The following SLC45A3 variants were observed in gnomAD, a reference collection of about 807,000 sequenced individuals.
The protein encoded by SLC45A3 is solute carrier family 45 member 3.
Under a neutral mutation model 35.3 loss-of-function variants are expected in SLC45A3, and 17 were observed. That is an observed-to-expected ratio of 0.48 (90% CI 0.33 to 0.72). The LOEUF is 0.72. SLC45A3 is among the 30% of genes least tolerant of loss of function. The pLI is 0.02. For missense variants in SLC45A3, 597 were observed against 731.7 expected, an observed-to-expected ratio of 0.82 and a Z score of 2.12; for synonymous variants, 288 against 334.3, an observed-to-expected ratio of 0.86 and a Z score of 1.51.
chr1:205,662,724 A>G lies in SLC45A3; in HGVS notation c.958+109T>C. 6.7e-7 allele frequency: 1 copy of G among 1,483,142 alleles called. No homozygotes were observed. The highest frequency in any genetic ancestry group is 8.9e-7 in the Non-Finnish European group (1 of 1,122,592). 91.9% of individuals were successfully genotyped at this position (1,483,142 alleles called of 1,614,324 possible). The stretch of plus-strand genomic sequence containing the variant: ...GATGGGGTCCATCCCCACTTTCCTG[A>G]CAGAGAAGTCGGGGCCAGGATGGAG... On this transcript the variant is annotated intron_variant, in intron 3 of 4. Coordinates refer to ENST00000367145, the MANE Select transcript of SLC45A3 (RefSeq NM_033102.3). The surrounding 1 kb of genome is among the most constrained non-coding windows in gnomAD (Gnocchi z 6.2).
rs1670951913 is a variant in SLC45A3, at chr1:205,657,869, T to C, written c.*1365A>G. The C allele has an allele frequency of 5.1e-6, 1 of 197,220 alleles. No individual in the cohort carries two copies. The highest frequency in any genetic ancestry group is 1.1e-5 in the Non-Finnish European group (1 of 94,850). 12.2% of individuals were successfully genotyped at this position (197,220 alleles called of 1,614,324 possible). A position where few individuals can be genotyped will look rare whatever the true frequency, so the allele number is the denominator to read the frequency against. ...ATGCCAATAAACATATAAGAAAGCC[T>C]TTAATTTTGTCACCATAAACATTAT... On this transcript the variant is annotated 3_prime_UTR_variant, in exon 5 of 5. Transcript: ENST00000367145.
At chr1:205,661,431 C>A (rs1671020646) in intron 4 of SLC45A3, among the ~76,000 whole-genome samples, 1 of 152,142 alleles carries the variant, frequency 6.6e-6, no homozygotes, top group African/African-American at 2.4e-5. Context: ...AGGATACAGG[C>A]TAAGTCAGGT....
intron 1 of SLC45A3, among the ~76,000 whole-genome samples, chr1:205,665,561 T>C (rs1420912568): frequency 6.6e-6 from 1 of 152,168 alleles, no homozygotes; most frequent in African/African-American, 2.4e-5. Flanking sequence ...CCAACTGTCA[T>C]GGGAGAGTGG....
chr1:205,663,866 G>T (rs1040628579), intron 2 of SLC45A3, among the ~76,000 whole-genome samples: 5 of 152,198 alleles, frequency 3.3e-5, no homozygotes, highest in Admixed American at 2.0e-4. Context: ...CCTAGGGAGG[G>T]TAAGAGGCAG....
Position 205,663,593 on chromosome 1 carries a change from G to T in SLC45A3, c.198C>A (p.Val66=). Residue 66 remains valine, a synonymous_variant, in exon 3 of 5, where the codon GTC becomes GTA. Transcript: ENST00000367145. The stretch of plus-strand genomic sequence containing the variant: ...TGGCTGAGCCTAGGAGCGGGACACA[G>T]ACCAGGCCCAGCACTGGACCAATGC... ...VLGIGPVLGL[V]CVPLLGSASD... 1 of 1,604,502 alleles carries T rather than the reference G, an allele frequency of 6.2e-7. No homozygotes were observed. Among genetic ancestry groups the T allele is most frequent in the South Asian group, 1.1e-5 (1 of 90,190 alleles).
rs1370985548 is a variant in SLC45A3, at chr1:205,657,979, CCT to C, written c.*1253_*1254del. The C allele has an allele frequency of 1.0e-4, 23 of 225,874 alleles. No homozygotes were observed. The East Asian group carries it at 1.3e-3, about 13-fold the overall frequency. The allele number at this position is 225,874 out of a possible 1,614,324, so 14.0% of individuals were successfully genotyped here. A position where few individuals can be genotyped will look rare whatever the true frequency, so the allele number is the denominator to read the frequency against. On this transcript the variant is annotated 3_prime_UTR_variant, in exon 5 of 5. Transcript: ENST00000367145. ...TATTGCAAACGGCACTTAAACCCCCCCTGAGAGATAAGACCTCCCTTAGCTCA... is the reference window on the plus strand; with the variant it reads ...TATTGCAAACGGCACTTAAACCCCCCGAGAGATAAGACCTCCCTTAGCTCA...
chr1:205,675,540 C>T (rs1433201301), intron 1 of SLC45A3, among the ~76,000 whole-genome samples: 1 of 152,144 alleles, frequency 6.6e-6, no homozygotes, highest in African/African-American at 2.4e-5. Context: ...CACTCCCACC[C>T]CTCCTTTTGG....
rs1671118267 is a variant in SLC45A3, at chr1:205,666,415, G to T, written c.-230-1529C>A. ...CCCAGCTACTTAAGAGGCTGAGATGGGAGGATTGCTTGAGCCTGGGAGGTC... is the reference window on the plus strand; with the variant it reads ...CCCAGCTACTTAAGAGGCTGAGATGTGAGGATTGCTTGAGCCTGGGAGGTC... On this transcript the variant is annotated intron_variant, in intron 1 of 4. Coordinates refer to ENST00000367145, the MANE Select transcript of SLC45A3 (RefSeq NM_033102.3). The surrounding 1 kb of genome is among the most constrained non-coding windows in gnomAD (Gnocchi z 4.1). Among the ~76,000 whole-genome samples, 1 of 152,202 alleles carries T rather than the reference G, an allele frequency of 6.6e-6. No homozygotes were observed. The highest frequency in any genetic ancestry group is 2.4e-5 in the African/African-American group (1 of 41,450).
At chr1:205,674,926 G>A (rs1054844135) in intron 1 of SLC45A3, among the ~76,000 whole-genome samples, 6 of 152,126 alleles carry the variant, frequency 3.9e-5, no homozygotes, top group Non-Finnish European at 8.8e-5. Context: ...GTGTTGGCCA[G>A]GCTGGTCTCG....
In SLC45A3 at chr1:205,666,042, C is replaced by A. The variant is rs1671113398; in HGVS notation, c.-230-1156G>T. 2.0e-5 allele frequency among the ~76,000 whole-genome samples: 3 copies of A among 152,106 alleles called. No homozygotes were observed. Among genetic ancestry groups the A allele is most frequent in the Non-Finnish European group, 4.4e-5 (3 of 68,018 alleles). ...GCTAAAAATACAAAAATTAGCCAGG[C>A]ATGGTGGCAGGTGCCTCCACCACCC... On this transcript the variant is annotated intron_variant, in intron 1 of 4. Coordinates refer to ENST00000367145, the MANE Select transcript of SLC45A3 (RefSeq NM_033102.3). This position sits in a 1 kb window ranked among gnomAD's most constrained non-coding sequence, Gnocchi z 4.1.
rs935439425 is a variant in SLC45A3, at chr1:205,664,619, T to C, written c.38A>G (p.His13Arg). 3.1e-6 allele frequency: 5 copies of C among 1,614,236 alleles called. No individual in the cohort carries two copies. Among genetic ancestry groups the C allele is most frequent in the Admixed American group, 1.7e-5 (1 of 60,032 alleles). Residue 13 changes from histidine (H) to arginine (R), a missense_variant, in exon 2 of 5, where the codon CAC (histidine) becomes CGC (arginine). By Grantham distance (29) the His-to-Arg change is conservative (BLOSUM62 0). Around this residue, in one of 3 missense-constraint regions of SLC45A3, gnomAD observed 37 missense variants for 41.1 expected, o/e 0.90. Coordinates refer to ENST00000367145, the MANE Select transcript of SLC45A3 (RefSeq NM_033102.3). This position sits in a 1 kb window ranked among gnomAD's most constrained non-coding sequence, Gnocchi z 5.3. ...QRLWVSRLLRHRKAQLLLVNL... is the reference protein window; with the variant it reads ...QRLWVSRLLRRRKAQLLLVNL... ...GACCAGCAAGAGCTGGGCTTTCCGGTGCCGCAGCAGGCGGCTCACCCACAG... is the reference window on the plus strand; with the variant it reads ...GACCAGCAAGAGCTGGGCTTTCCGGCGCCGCAGCAGGCGGCTCACCCACAG...
chr1:205,670,649 C>T (rs1004860224), intron 1 of SLC45A3, among the ~76,000 whole-genome samples: 1 of 152,240 alleles, frequency 6.6e-6, no homozygotes, highest in Non-Finnish European at 1.5e-5. Context: ...TTACTGGAAG[C>T]CTTCTGCTTA....
At position 205,659,447 on chromosome 1, in the gene SLC45A3, A is replaced by C; in HGVS notation, c.1449T>G (p.Val483=). The C allele has an allele frequency of 6.2e-7, 1 of 1,614,012 alleles. No individual in the cohort carries two copies. The highest frequency in any genetic ancestry group is 8.5e-7 in the Non-Finnish European group (1 of 1,179,986). ...GGTCCAGGCAGATGCCCCGGCCCGG[A>C]ACCACCCTGGCCTCGGTGGGCTCAC... ...VVGEPTEARV[V]PGRGICLDLA... The change falls in exon 5 of 5, where the codon GTT becomes GTG. Residue 483 remains valine (V), a synonymous_variant. Transcript: ENST00000367145. The surrounding 1 kb of genome is among the most constrained non-coding windows in gnomAD (Gnocchi z 5.8).
chr1:205,660,936 G>A (rs1671011723), intron 4 of SLC45A3, among the ~76,000 whole-genome samples: 2 of 152,186 alleles, frequency 1.3e-5, no homozygotes, highest in African/African-American at 2.4e-5. Context: ...CAGTTAACCA[G>A]CCTCTCAGCT....
chr1:205,662,488 T>C lies in SLC45A3; in HGVS notation c.958+345A>G. 1 of 1,283,784 alleles carries C rather than the reference T, an allele frequency of 7.8e-7. No homozygotes were observed. The highest frequency in any genetic ancestry group is 9.8e-7 in the Non-Finnish European group (1 of 1,016,018). 79.5% of individuals were successfully genotyped at this position (1,283,784 alleles called of 1,614,324 possible). The stretch of plus-strand genomic sequence containing the variant: ...GGCGCTGGTGAGATTATTTGGAAAG[T>C]CGTTGGGGGAGCAGAGGGCACACTG... On this transcript the variant is annotated intron_variant, in intron 3 of 4. Transcript: ENST00000367145. The surrounding 1 kb of genome is among the most constrained non-coding windows in gnomAD (Gnocchi z 6.2).
At position 205,661,855 on chromosome 1, in the gene SLC45A3, G is replaced by A. The variant is rs1410655571; in HGVS notation, c.1224+6C>T. Reference sequence around the variant, plus strand: ...ACCCTGACTCCACCCACTGGCCAATGAGTACCTGCTTCTCCCGGTGGTAGA... The same window carrying A: ...ACCCTGACTCCACCCACTGGCCAATAAGTACCTGCTTCTCCCGGTGGTAGA... On this transcript the variant is annotated splice_donor_region_variant and intron_variant, in intron 4 of 4. Transcript: ENST00000367145. 5.0e-6 allele frequency: 8 copies of A among 1,606,968 alleles called. No individual in the cohort carries two copies.
rs377546160 is a variant in SLC45A3, at chr1:205,663,057, C to T, written c.734G>A (p.Arg245Gln). The change falls in exon 3 of 5, where the codon CGG (arginine) becomes CAG (glutamine). Residue 245 changes from arginine (R) to glutamine (Q), a missense_variant. By Grantham distance (43) the Arg-to-Gln change is conservative. Around this residue, in one of 3 missense-constraint regions of SLC45A3, gnomAD observed 555 missense variants for 664.9 expected, o/e 0.83. Coordinates refer to ENST00000367145, the MANE Select transcript of SLC45A3 (RefSeq NM_033102.3). ...PSLSPHCCPC[R>Q]ARLAFRNLGA... ...CAGGTTCCGGAAAGCCAAGCGGGCC[C>T]GGCATGGACAGCAGTGGGGCGACAA... The T allele has an allele frequency of 3.2e-5, 52 of 1,607,158 alleles. No homozygotes were observed. The East Asian group carries it at 3.4e-4, about 10-fold the overall frequency.
chr1:205,659,734 C>T lies in SLC45A3; in HGVS notation c.1225-63G>A. ...GTGTGTACCCAGCACTGGCACCACCCCAGCTGTGAGAACAGACCCTTGCCT... is the reference window on the plus strand; with the variant it reads ...GTGTGTACCCAGCACTGGCACCACCTCAGCTGTGAGAACAGACCCTTGCCT... On this transcript the variant is annotated intron_variant, in intron 4 of 4. Coordinates refer to ENST00000367145, the MANE Select transcript of SLC45A3 (RefSeq NM_033102.3). This position sits in a 1 kb window ranked among gnomAD's most constrained non-coding sequence, Gnocchi z 5.8. 6.9e-7 allele frequency: 1 copy of T among 1,451,950 alleles called. No homozygotes were observed. The highest frequency in any genetic ancestry group is 2.0e-4 in the Middle Eastern group (1 of 4,910). 89.9% of individuals were successfully genotyped at this position (1,451,950 alleles called of 1,614,324 possible). A position where few individuals can be genotyped will look rare whatever the true frequency, so the allele number is the denominator to read the frequency against.
rs555453753 is a variant in SLC45A3 at position 205,663,003 on chromosome 1, A to G, written c.788T>C (p.Leu263Pro). 1.2e-6 allele frequency: 2 copies of G among 1,612,156 alleles called. No homozygotes were observed. Among genetic ancestry groups the G allele is most frequent in the African/African-American group, 2.7e-5 (2 of 75,030 alleles). The change falls in exon 3 of 5, where the codon CTG becomes CCG. Residue 263 changes from leucine (L) to proline (P), a missense_variant. Leu to Pro is a moderately conservative substitution (Grantham distance 98). Transcript: ENST00000367145. The stretch of plus-strand genomic sequence containing the variant: ...CAGGGTGCGGGGCATGCGGCAGCAC[A>G]GCTGGTGCAGCCGGGGAAGCAGGGC... ...LGALLPRLHQ[L>P]CCRMPRTLRR...
Sources: gnomAD v4.1 joint callset for allele counts (sites outside exome capture counted in the v4.1 genomes callset) on GRCh38, gnomAD v4.1.1 for gene constraint, gnomAD v4.1.1 regional missense constraint, Gnocchi (gnomAD v3.1) non-coding constraint, MANE v1.5 for transcripts, NCBI Gene and HGNC (gene_info 2026-07-23, HGNC 2026-07-21) for gene names.